Variants in GALNT13 observed in about 807,000 individuals in gnomAD.
GALNT13 encodes the protein UDP-GalNAc:polypeptide N-acetylgalactosaminyltransferase 13.
Under a neutral mutation model 64.2 loss-of-function variants are expected in GALNT13, and 28 were observed. That is an observed-to-expected ratio of 0.44 (90% CI 0.32 to 0.60). The LOEUF (loss-of-function observed/expected upper bound fraction) is 0.60. Among genes scored for constraint, GALNT13 ranks in the 20% least tolerant of loss-of-function variants. The probability of loss-of-function intolerance (pLI) is 0.05; values close to 1 mark genes in which losing one functional copy is unlikely to be tolerated. For synonymous variants in GALNT13, 214 were observed against 224.6 expected, an observed-to-expected ratio of 0.95 and a Z score of 0.42; for missense variants, 577 against 669.8, an observed-to-expected ratio of 0.86 and a Z score of 1.53.
chr2:153,771,746 A>G, the GALNT13 span, among the ~76,000 whole-genome samples: 5 of 152,186 alleles, frequency 3.3e-5, no homozygotes, highest in African/African-American at 1.2e-4. Context: ...AGAGGACTCC[A>G]GTGCCCCAAA....
At chr2:153,925,530 G>T (rs2105346027) in intron 2 of GALNT13, among the ~76,000 whole-genome samples, 2 of 112,302 alleles carry the variant, frequency 1.8e-5, no homozygotes, top group Non-Finnish European at 2.0e-5. Flanking sequence ...GGATTGTCTT[G>T]GCTATTTGAG....
chr2:154,393,148 C>T (rs1698874845), intron 9 of GALNT13, among the ~76,000 whole-genome samples: 1 of 152,132 alleles, frequency 6.6e-6, no homozygotes, highest in Non-Finnish European at 1.5e-5. Flanking sequence ...GGATAACCTA[C>T]TTTGAAGAGG....
At chr2:154,127,165 G>GT (rs1381355259) in intron 3 of GALNT13, among the ~76,000 whole-genome samples, 1 of 152,050 alleles carries the variant, frequency 6.6e-6, no homozygotes, top group Non-Finnish European at 1.5e-5. Context: ...ATATATTAGA[G>GT]TTTTCCCTCC....
the GALNT13 span, among the ~76,000 whole-genome samples, chr2:153,392,337 AAAAAAACCCCAC>A: frequency 6.6e-6 from 1 of 151,918 alleles, no homozygotes; most frequent in African/African-American, 2.4e-5. Context: ...GAAATATTAA[AAAAAAACCCCAC>A]AAAAAAACAA....
the GALNT13 span, among the ~76,000 whole-genome samples, chr2:153,837,856 TAATGGCTATACC>T: frequency 6.6e-6 from 1 of 152,032 alleles, no homozygotes; most frequent in Non-Finnish European, 1.5e-5. Flanking sequence ...CTTTTTTCCA[TAATGGCTATACC>T]AATTTATATA....
chr2:154,249,823 T>C (rs1342048751), intron 7 of GALNT13, among the ~76,000 whole-genome samples: 1 of 152,144 alleles, frequency 6.6e-6, no homozygotes, highest in African/African-American at 2.4e-5. Context: ...CCTAATTTTA[T>C]ATTCCTTTTT....
intron 4 of GALNT13, among the ~76,000 whole-genome samples, chr2:154,236,801 T>TA (rs1689217250): frequency 6.6e-6 from 1 of 152,064 alleles, no homozygotes; most frequent in Non-Finnish European, 1.5e-5. Context: ...GACATGTTGC[T>TA]AAAAGGGTTA....
intron 3 of GALNT13, among the ~76,000 whole-genome samples, chr2:154,035,237 T>C (rs1698590022): frequency 6.6e-6 from 1 of 152,146 alleles, no homozygotes; most frequent in African/African-American, 2.4e-5. Flanking sequence ...TGCGTTTGTA[T>C]GTTTGTGTGA....
chr2:153,982,365 T>C (rs917959649), intron 3 of GALNT13, among the ~76,000 whole-genome samples: 1 of 152,084 alleles, frequency 6.6e-6, no homozygotes, highest in African/African-American at 2.4e-5. Flanking sequence ...TTTCAAAATA[T>C]AGAGGCTATA....
At chr2:154,368,117 C>T (rs540166722) in intron 9 of GALNT13, among the ~76,000 whole-genome samples, 1 of 150,858 alleles carries the variant, frequency 6.6e-6, no homozygotes, top group South Asian at 2.1e-4. Flanking sequence ...AGTGAATTCA[C>T]TTTGATTAAA....
At chr2:154,382,511 A>G (rs960512591) in intron 9 of GALNT13, among the ~76,000 whole-genome samples, 1 of 152,082 alleles carries the variant, frequency 6.6e-6, no homozygotes, top group Non-Finnish European at 1.5e-5. Context: ...CTAGAAGAAG[A>G]TAAATACTGC....
chr2:153,526,775 A>G, the GALNT13 span, among the ~76,000 whole-genome samples: 1 of 152,210 alleles, frequency 6.6e-6, no homozygotes, highest in Non-Finnish European at 1.5e-5. Context: ...AGCTGTTTTG[A>G]GAAAACTCAA....
Position 154,047,556 on chromosome 2 carries a change from G to T in GALNT13, c.143-92781G>T, listed in dbSNP as rs866477572. ...CATTTTCCTCATCTGTAGAACAAGA[G>T]TAATAATAGTTGTGTTCAACTCATA... On this transcript the variant is annotated intron_variant, in intron 3 of 12. Transcript: ENST00000392825. 4.6e-5 allele frequency among the ~76,000 whole-genome samples: 7 copies of T among 152,262 alleles called. No individual in the cohort carries two copies. The Middle Eastern group carries it at 0.014, about 296-fold the overall frequency.
chr2:154,186,450 T>A (rs185212896), intron 4 of GALNT13, among the ~76,000 whole-genome samples: 100 of 152,224 alleles, frequency 6.6e-4, no homozygotes, highest in Non-Finnish European at 1.3e-3. Flanking sequence ...TTGTTGCTGC[T>A]TACGTTATTT....
the GALNT13 span, among the ~76,000 whole-genome samples, chr2:153,612,316 G>A: frequency 6.6e-6 from 1 of 152,098 alleles, no homozygotes; most frequent in Admixed American, 6.6e-5. Context: ...AATACCATTT[G>A]ACCCAGAAAT....
chr2:154,037,721 G>C (rs1409027894), intron 3 of GALNT13, among the ~76,000 whole-genome samples: 1 of 152,118 alleles, frequency 6.6e-6, no homozygotes. Flanking sequence ...CAATGAATTA[G>C]CTGGAAAAGA....
chr2:153,399,488 G>C, the GALNT13 span, among the ~76,000 whole-genome samples: 1 of 151,982 alleles, frequency 6.6e-6, no homozygotes, highest in Admixed American at 6.6e-5. Context: ...GATGGGGATG[G>C]CATTGAATCT....
the GALNT13 span, among the ~76,000 whole-genome samples, chr2:153,232,863 T>C: frequency 1.3e-5 from 2 of 152,338 alleles, no homozygotes; most frequent in African/African-American, 4.8e-5. Context: ...CTTAGTGCTG[T>C]AGTTCACAGT....
the GALNT13 span, among the ~76,000 whole-genome samples, chr2:153,578,131 A>G: frequency 6.6e-6 from 1 of 152,116 alleles, no homozygotes; most frequent in South Asian, 2.1e-4. Flanking sequence ...TTACATGACT[A>G]CCATCACAAC....
Sources: allele counts gnomAD v4.1 joint callset (sites outside exome capture counted in the v4.1 genomes callset), GRCh38; gene constraint gnomAD v4.1.1; transcripts MANE v1.5; gene names NCBI Gene and HGNC (gene_info 2026-07-23, HGNC 2026-07-21).